The following RYR2 variants were observed in gnomAD, a reference collection of about 807,000 sequenced individuals.
RYR2 encodes cardiac muscle ryanodine receptor-calcium release channel.
A neutral mutation model predicts 601.1 loss-of-function variants in RYR2; 227 were observed. The observed-to-expected ratio is 0.38, with a 90% CI of 0.34 to 0.42. RYR2 has a LOEUF of 0.42. Among genes scored for constraint, RYR2 ranks in the 10% least tolerant of loss-of-function variants. The pLI is 1.00. For missense variants in RYR2, 4,646 were observed against 6,156.5 expected, an observed-to-expected ratio of 0.75 and a Z score of 8.21; for synonymous variants, 2,223 against 2,175.1, an observed-to-expected ratio of 1.02 and a Z score of -0.61.
chr1:237,783,664 T>C lies in RYR2; in HGVS notation c.11963-11T>C, dbSNP rs790889. 546,397 of 1,562,038 alleles carry C rather than the reference T, an allele frequency of 0.35. 99,729 individuals carry two copies. Among genetic ancestry groups the C allele is most frequent in the East Asian group, 0.69 (30,448 of 44,018 alleles). On this transcript the variant is annotated splice_polypyrimidine_tract_variant and intron_variant, in intron 89 of 104. Transcript: ENST00000366574. The stretch of plus-strand genomic sequence containing the variant: ...GTTTATTTTAAACAAATGCAACTGC[T>C]TTACCACCAGGTAATGTTGTTAATG...
intron 27 of RYR2, among the ~76,000 whole-genome samples, chr1:237,558,281 G>C (rs1350670512): frequency 6.6e-6 from 1 of 152,174 alleles, no homozygotes; most frequent in Non-Finnish European, 1.5e-5. Flanking sequence ...TTGTCTTCAG[G>C]TTGAAATAGA....
chr1:237,242,258 A>G (rs977492515), intron 1 of RYR2, among the ~76,000 whole-genome samples: 4 of 151,648 alleles, frequency 2.6e-5, no homozygotes, highest in Admixed American at 6.6e-5. Context: ...CACATGTGAA[A>G]AATCCTCAGA....
intron 1 of RYR2, among the ~76,000 whole-genome samples, chr1:237,121,678 C>A (rs1420444640): frequency 6.6e-6 from 1 of 152,156 alleles, no homozygotes; most frequent in African/African-American, 2.4e-5. Context: ...TGTTTCTGAT[C>A]TCAGTCCCAG....
intron 29 of RYR2, among the ~76,000 whole-genome samples, chr1:237,584,309 T>C (rs1674264235): frequency 6.6e-6 from 1 of 152,312 alleles, no homozygotes; most frequent in South Asian, 2.1e-4. Flanking sequence ...GTGATGTCAT[T>C]TACCAACCTG....
intron 87 of RYR2, among the ~76,000 whole-genome samples, chr1:237,777,604 T>C (rs765158022): frequency 1.1e-4 from 16 of 152,216 alleles, no homozygotes; most frequent in Non-Finnish European, 2.2e-4. Context: ...AACTGAATGA[T>C]GGTAGAATTT....
At chr1:237,418,906 T>C (rs1279887324) in intron 11 of RYR2, among the ~76,000 whole-genome samples, 1 of 151,962 alleles carries the variant, frequency 6.6e-6, no homozygotes, top group Non-Finnish European at 1.5e-5. Context: ...AAGAAAATTT[T>C]TATTGGAAAT....
intron 1 of RYR2, among the ~76,000 whole-genome samples, chr1:237,107,633 C>T (rs1429990504): frequency 6.6e-6 from 1 of 152,058 alleles, no homozygotes; most frequent in African/African-American, 2.4e-5. Context: ...TGTGAAGCTT[C>T]CGATTCCTGG....
At chr1:237,104,902 T>TA (rs1464771128) in intron 1 of RYR2, among the ~76,000 whole-genome samples, 4 of 152,210 alleles carry the variant, frequency 2.6e-5, no homozygotes, top group Non-Finnish European at 4.4e-5. Flanking sequence ...GCCTGGTGCT[T>TA]AATGGCTGTG....
intron 24 of RYR2, among the ~76,000 whole-genome samples, chr1:237,520,937 T>C (rs1667024910): frequency 6.6e-6 from 1 of 152,030 alleles, no homozygotes; most frequent in South Asian, 2.1e-4. Flanking sequence ...TCAAGGAGGC[T>C]GAGGCAGGAG....
intron 1 of RYR2, among the ~76,000 whole-genome samples, chr1:237,192,176 A>G (rs916156103): frequency 2.2e-5 from 3 of 137,110 alleles, no homozygotes; most frequent in Non-Finnish European, 4.7e-5. Context: ...CTTTCTCCAG[A>G]AAAAAAAAAA....
rs372132157 is a variant in RYR2, at chr1:237,330,904, C to T, written c.195C>T (p.Cys65=). 1 of 1,613,990 alleles carries T rather than the reference C, an allele frequency of 6.2e-7. No individual in the cohort carries two copies. Among genetic ancestry groups the T allele is most frequent in the Non-Finnish European group, 8.5e-7 (1 of 1,179,878 alleles). Residue 65 remains cysteine (C), a synonymous_variant, in exon 3 of 105, where the codon TGC becomes TGT. Transcript: ENST00000366574. The stretch of plus-strand genomic sequence containing the variant: ...ATGTGCCCCCAGACCTCTCCATCTG[C>T]ACCTTTGTGCTGGAGCAGTCCCTCT... The part of the protein sequence containing the change: ...SKNVPPDLSI[C]TFVLEQSLSV...
chr1:237,362,193 G>T (rs1484586603), intron 4 of RYR2, among the ~76,000 whole-genome samples: 1 of 152,124 alleles, frequency 6.6e-6, no homozygotes, highest in Non-Finnish European at 1.5e-5. Context: ...TTAGCCTAAA[G>T]AACTAAAATT....
intron 2 of RYR2, among the ~76,000 whole-genome samples, chr1:237,329,104 A>G (rs1696453833): frequency 6.6e-6 from 1 of 152,196 alleles, no homozygotes; most frequent in Non-Finnish European, 1.5e-5. Context: ...ATTGGAAAAC[A>G]TTTCCATAAA....
chr1:237,646,349 AT>A (rs903463174), intron 48 of RYR2, among the ~76,000 whole-genome samples: 21 of 149,160 alleles, frequency 1.4e-4, no homozygotes, highest in South Asian at 4.3e-4. Context: ...TCAAAAAAAA[AT>A]TTTTTTTTTT....
At chr1:237,603,143 G>A (rs1443384340) in intron 35 of RYR2, among the ~76,000 whole-genome samples, 3 of 152,178 alleles carry the variant, frequency 2.0e-5, no homozygotes, top group African/African-American at 7.2e-5. Flanking sequence ...CAAATGCCTA[G>A]TCATCTAATT....
intron 80 of RYR2, chr1:237,754,998 T>C (rs1400201277): frequency 2.0e-6 from 2 of 984,896 alleles, no homozygotes; most frequent in Non-Finnish European, 2.7e-6. Flanking sequence ...AAACATAAAA[T>C]TAACCACAGG....
intron 43 of RYR2, 75 bp downstream of exon 43, chr1:237,633,785 T>A: frequency 7.1e-7 from 1 of 1,407,482 alleles, no homozygotes; most frequent in Non-Finnish European, 9.5e-7. Context: ...AACGTTTTGT[T>A]AAAAAATGTG....
intron 1 of RYR2, among the ~76,000 whole-genome samples, chr1:237,086,398 A>G (rs184522356): frequency 3.3e-5 from 5 of 152,234 alleles, no homozygotes; most frequent in East Asian, 3.9e-4. Context: ...TAAAGGACCT[A>G]TCTCCAAATA....
chr1:237,638,515 C>T (rs762054348), intron 45 of RYR2, 23 bp downstream of exon 45: 2 of 1,611,896 alleles, frequency 1.2e-6, no homozygotes, highest in Non-Finnish European at 1.7e-6. Context: ...TTCTTGAGGT[C>T]TTTTGAGTTA....
Sources: gnomAD v4.1 joint callset for allele counts (sites outside exome capture counted in the v4.1 genomes callset) on GRCh38, gnomAD v4.1.1 for gene constraint, MANE v1.5 for transcripts, NCBI Gene and HGNC (gene_info 2026-07-23, HGNC 2026-07-21) for gene names.